The following EPRS1 variants were observed in gnomAD, a reference collection of about 807,000 sequenced individuals.
EPRS1 encodes glutamyl-prolyl-tRNA synthetase 1, also known as bifunctional glutamate/proline--tRNA ligase.
EPRS1 carries 107 observed loss-of-function variants against 188.3 expected under a neutral mutation model. The observed-to-expected ratio is 0.57, with a 90% confidence interval of 0.49 to 0.67. The LOEUF is 0.67. Among genes scored for constraint, EPRS1 ranks in the 30% least tolerant of loss-of-function variants. The pLI, the probability that EPRS1 is intolerant of heterozygous loss-of-function variation, is 0.00. For synonymous variants in EPRS1, 596 were observed against 593.1 expected (o/e 1.00, Z -0.07); for missense variants, 1,577 against 1,802.2 (o/e 0.88, Z 2.26).
chr1:220,001,119 T>C lies in EPRS1; in HGVS notation c.2181+19A>G, dbSNP rs146332254. Reference sequence around the variant, plus strand: ...GAAAGACCATTTATTTTTATACACATATCCGTAAAAGTCATTACCTCATTT... The same window carrying C: ...GAAAGACCATTTATTTTTATACACACATCCGTAAAAGTCATTACCTCATTT... On this transcript the variant is annotated intron_variant, in intron 17 of 31. Transcript: ENST00000366923. 2.9e-4 allele frequency: 372 copies of C among 1,290,406 alleles called. 1 individual carries two copies. Among genetic ancestry groups the C allele is most frequent in the Non-Finnish European group, 3.9e-4 (348 of 884,530 alleles). 79.9% of individuals were successfully genotyped at this position (1,290,406 alleles called of 1,614,324 possible).
At chr1:220,036,661 C>A (rs537934354) in intron 2 of EPRS1, among the ~76,000 whole-genome samples, 4 of 152,156 alleles carry the variant, frequency 2.6e-5, no homozygotes, top group South Asian at 2.1e-4. Context: ...AAAAAGGGAA[C>A]AACAGACACT....
intron 9 of EPRS1, 58 bp downstream of exon 9, chr1:220,022,289 A>G: frequency 6.8e-7 from 1 of 1,463,964 alleles, no homozygotes; most frequent in Non-Finnish European, 9.3e-7. Context: ...CCATGTTTAA[A>G]GAAGATCAAA....
chr1:219,976,006 G>A (rs942387676), intron 28 of EPRS1, among the ~76,000 whole-genome samples: 13 of 152,050 alleles, frequency 8.5e-5, no homozygotes, highest in African/African-American at 3.1e-4. Context: ...TAATTCCTGG[G>A]CCAGGGTAGA....
chr1:219,979,465 C>T lies in EPRS1; in HGVS notation c.3862G>A (p.Gly1288Arg). Residue 1288 changes from glycine (G) to arginine (R), a missense_variant, in exon 27 of 32, where the codon GGG becomes AGG. By Grantham distance (125) the Gly-to-Arg change is moderately radical. Transcript: ENST00000366923. ...RTIGVMTMVH[G>R]DNMGLVLPPR... The stretch of plus-strand genomic sequence containing the variant: ...GGTAATACTAAACCCATGTTGTCCC[C>T]ATGAACCATGGTCATAACACCAATA... The T allele has an allele frequency of 1.2e-6, 2 of 1,614,106 alleles. No individual in the cohort carries two copies. Among genetic ancestry groups the T allele is most frequent in the Non-Finnish European group, 1.7e-6 (2 of 1,179,988 alleles).
chr1:220,022,460 C>T lies in EPRS1; in HGVS notation c.1002G>A (p.Gln334=). The change falls in exon 9 of 32, where the codon CAG becomes CAA. Residue 334 remains glutamine (Q), a synonymous_variant. Coordinates refer to ENST00000366923, the MANE Select transcript of EPRS1 (RefSeq NM_004446.3). The part of the protein sequence containing the change: ...EEMKKGSQFG[Q]SCCLRAKIDM... The stretch of plus-strand genomic sequence containing the variant: ...CAATTTTTGCTCGCAAACAACAGGA[C>T]TGACCAAACTGGCTCCCTTTTTTCA... 1 of 1,614,076 alleles carries T rather than the reference C, an allele frequency of 6.2e-7. No individual in the cohort carries two copies. The highest frequency in any genetic ancestry group is 8.5e-7 in the Non-Finnish European group (1 of 1,179,970).
rs570698443 is a variant in EPRS1 at position 220,036,066 on chromosome 1, G to C, written c.132-1053C>G. ...AATATAAAAATTAGCCGGGTGTGGT[G>C]GTGGGCACTTATAATCCCAGCTACT... On this transcript the variant is annotated intron_variant, in intron 2 of 31. Transcript: ENST00000366923. Among the ~76,000 whole-genome samples the C allele has an allele frequency of 1.1e-3, 175 of 152,290 alleles. 2 individuals are homozygous for C. The highest frequency in any genetic ancestry group is 0.01 in the Middle Eastern group (3 of 294).
intron 8 of EPRS1, among the ~76,000 whole-genome samples, chr1:220,023,881 C>G (rs554958298): frequency 6.6e-6 from 1 of 152,190 alleles, no homozygotes; most frequent in Non-Finnish European, 1.5e-5. Flanking sequence ...TTGCCAGATA[C>G]GGTGGCTCAT....
At chr1:219,973,531 G>GGAA (rs1660710971) in intron 28 of EPRS1, 133 bp from the exon 29 acceptor site, 1 of 340,542 alleles carries the variant, frequency 2.9e-6, no homozygotes, top group African/African-American at 2.3e-5. Flanking sequence ...AAAAACAAGA[G>GGAA]AAAAAAAAAA....
intron 2 of EPRS1, among the ~76,000 whole-genome samples, chr1:220,036,510 A>T (rs148521710): frequency 6.6e-6 from 1 of 152,306 alleles, no homozygotes; most frequent in South Asian, 2.1e-4. Flanking sequence ...CCATAAAAAA[A>T]AAAAAAGATC....
chr1:220,042,181 C>CAA (rs1204286086), intron 1 of EPRS1, among the ~76,000 whole-genome samples: 48 of 62,650 alleles, frequency 7.7e-4, no homozygotes, highest in African/African-American at 1.9e-3. Flanking sequence ...ACTCCGTCCC[C>CAA]AAAAAAAAAA....
chr1:219,996,961 T>C, intron 18 of EPRS1, 22 bp downstream of exon 18: 5 of 1,545,030 alleles, frequency 3.2e-6, no homozygotes, highest in Non-Finnish European at 4.3e-6. Flanking sequence ...AATGTGGTCT[T>C]GACTTTCTCT....
At chr1:219,990,424 A>G (rs1661097723) in intron 18 of EPRS1, among the ~76,000 whole-genome samples, 1 of 152,162 alleles carries the variant, frequency 6.6e-6, no homozygotes, top group African/African-American at 2.4e-5. Flanking sequence ...TATCATTATC[A>G]TTTTATGGTA....
rs117840023 is a variant in EPRS1 at position 220,014,632 on chromosome 1, G to C, written c.1495-3576C>G. ...AGCCAGGTCTTCACACTTCAGGAAG[G>C]CGATTCAATGAAGCCCCTCTGGGAA... is the stretch of plus-strand genomic sequence containing the variant. On this transcript the variant is annotated intron_variant, in intron 12 of 31. Transcript: ENST00000366923. 9.2e-3 allele frequency among the ~76,000 whole-genome samples: 1,407 copies of C among 152,306 alleles called. 22 individuals carry two copies. The highest frequency in any genetic ancestry group is 0.068 in the East Asian group (352 of 5,178).
At chr1:220,014,159 C>T (rs938331880) in intron 12 of EPRS1, among the ~76,000 whole-genome samples, 6 of 152,090 alleles carry the variant, frequency 3.9e-5, no homozygotes, top group African/African-American at 1.2e-4. Context: ...GAAACCCTGT[C>T]TATACTAAAA....
At chr1:220,028,698 T>C (rs901174259) in intron 6 of EPRS1, among the ~76,000 whole-genome samples, 9 of 152,198 alleles carry the variant, frequency 5.9e-5, no homozygotes, top group African/African-American at 1.9e-4. Context: ...CTGTTGGGAT[T>C]AATAAGTTAC....
chr1:220,004,671 T>C (rs1045561776), intron 16 of EPRS1, among the ~76,000 whole-genome samples: 4 of 152,130 alleles, frequency 2.6e-5, no homozygotes, highest in South Asian at 2.1e-4. Context: ...TTCACAGATA[T>C]CTAAAGCAGT....
At chr1:220,018,141 T>G in intron 12 of EPRS1, 2 of 1,353,286 alleles carry the variant, frequency 1.5e-6, no homozygotes, top group South Asian at 1.2e-5. Flanking sequence ...TACAGAGAGC[T>G]CGCAGCTTGA....
intron 13 of EPRS1, among the ~76,000 whole-genome samples, chr1:220,008,091 A>T (rs1661528456): frequency 6.7e-6 from 1 of 149,760 alleles, no homozygotes; most frequent in Non-Finnish European, 1.5e-5. Context: ...TGGGCAACAG[A>T]GCGAGACTCC....
At chr1:220,027,029 T>C (rs1490811480) in intron 6 of EPRS1, among the ~76,000 whole-genome samples, 2 of 151,466 alleles carry the variant, frequency 1.3e-5, no homozygotes, top group Non-Finnish European at 2.9e-5. Context: ...CAGTGGCTCA[T>C]GCCTGTAATC....
Sources: allele counts gnomAD v4.1 joint callset (sites outside exome capture counted in the v4.1 genomes callset), GRCh38; gene constraint gnomAD v4.1.1; transcripts MANE v1.5; gene names NCBI Gene and HGNC (gene_info 2026-07-23, HGNC 2026-07-21).